SRCAP: variants seen among roughly 807,000 people sequenced by gnomAD.
SRCAP encodes the protein Snf2 related CREBBP activator protein, also known as chromatin remodeling protein SRCAP.
In SRCAP, 46 loss-of-function variants were observed where a neutral mutation model predicts 263.1. That is an observed-to-expected ratio of 0.17 (90% CI 0.14 to 0.22). The LOEUF is 0.22. Among genes scored for constraint, SRCAP ranks in the 10% least tolerant of loss-of-function variants. SRCAP has a pLI of 1.00. For synonymous variants in SRCAP, 1,813 were observed against 1,662.1 expected (o/e 1.09, Z -2.21); for missense variants, 3,695 against 4,181.9 (o/e 0.88, Z 3.21).
At position 30,710,804 on chromosome 16, in the gene SRCAP, T is replaced by C. The variant is rs1224504637; in HGVS notation, c.1185T>C (p.His395=). Residue 395 remains histidine (H), a synonymous_variant, in exon 9 of 34, where the codon CAT becomes CAC. Transcript: ENST00000262518. ...CACAGCGCAACAAACAGCCTTGGCA[T>C]CCAGATGAAGATGATGAAGAGTTTA... The part of the protein sequence containing the change: ...AVTQRNKQPW[H]PDEDDEEFTA... 6.2e-7 allele frequency: 1 copy of C among 1,614,228 alleles called. No homozygotes were observed. The highest frequency in any genetic ancestry group is 8.5e-7 in the Non-Finnish European group (1 of 1,180,040).
In SRCAP at chr16:30,740,988, G is replaced by C. The variant is rs960824935; in HGVS notation, c.*1255G>C. 1 of 152,230 alleles carries C rather than the reference G, an allele frequency of 6.6e-6. No homozygotes were observed. Among genetic ancestry groups the C allele is most frequent in the Non-Finnish European group, 1.5e-5 (1 of 68,056 alleles). The allele number at this position is 152,230 out of a possible 1,614,324, so 9.4% of individuals were successfully genotyped here. A position where few individuals can be genotyped will look rare whatever the true frequency, so the allele number is the denominator to read the frequency against. Reference sequence around the variant, plus strand: ...AAAGGTGGTTTGATGCCAGGGCCTAGAGGACCTGAGAAGTAGGGAGACAAG... The same window carrying C: ...AAAGGTGGTTTGATGCCAGGGCCTACAGGACCTGAGAAGTAGGGAGACAAG... On this transcript the variant is annotated 3_prime_UTR_variant, in exon 34 of 34. Coordinates refer to ENST00000262518, the MANE Select transcript of SRCAP (RefSeq NM_006662.3).
At position 30,722,251 on chromosome 16, in the gene SRCAP, G is replaced by A. The variant is rs201658767; in HGVS notation, c.3671G>A (p.Arg1224His). The A allele has an allele frequency of 4.6e-5, 75 of 1,614,110 alleles. No homozygotes were observed. In the East Asian group the frequency reaches 1.4e-3, roughly 30 times the overall value. ...NKLTLTGAQV[R>H]QLAVGQPRPL... Reference sequence around the variant, plus strand: ...CTGACTTTGACTGGTGCCCAGGTGCGCCAGCTTGCTGTGGGGCAGCCCCGC... The same window carrying A: ...CTGACTTTGACTGGTGCCCAGGTGCACCAGCTTGCTGTGGGGCAGCCCCGC... The change falls in exon 22 of 34, where the codon CGC becomes CAC. Residue 1224 changes from arginine (R) to histidine (H), a missense_variant. Arg to His is a conservative substitution (Grantham distance 29). Around this residue, in one of 12 missense-constraint regions of SRCAP, gnomAD observed 1,347 missense variants for 1,304.4 expected, o/e 1.03. Transcript: ENST00000262518.
Position 30,722,548 on chromosome 16 carries a change from C to T in SRCAP, c.3707-15C>T, listed in dbSNP as rs758861876. On this transcript the variant is annotated splice_polypyrimidine_tract_variant and intron_variant, in intron 22 of 33. Transcript: ENST00000262518. ...TAGCTGCTTCTCTCTCTCTTTCTCT[C>T]TTCCCTTAACCCAGGGAATGTGGTG... 2.5e-6 allele frequency: 4 copies of T among 1,612,684 alleles called. No individual in the cohort carries two copies. Among genetic ancestry groups the T allele is most frequent in the Non-Finnish European group, 2.5e-6 (3 of 1,178,892 alleles).
In SRCAP at chr16:30,712,029, G is replaced by A; in HGVS notation, c.1687G>A (p.Glu563Lys). ...GCTTGCCAGGGATGAAGAGCAGAGT[G>A]AGGCAGATGCAGGCAGTGGGCCTCC... ...YLLARDEEQS[E>K]ADAGSGPPTP... Residue 563 changes from glutamate (E) to lysine (K), a missense_variant, in exon 12 of 34, where the codon GAG becomes AAG. Glu to Lys is a moderately conservative substitution (Grantham distance 56, BLOSUM62 1). Coordinates refer to ENST00000262518, the MANE Select transcript of SRCAP (RefSeq NM_006662.3). 1.2e-6 allele frequency: 2 copies of A among 1,614,074 alleles called. No individual in the cohort carries two copies. Among genetic ancestry groups the A allele is most frequent in the Non-Finnish European group, 1.7e-6 (2 of 1,180,018 alleles).
At chr16:30,708,823 T>G (rs2052855814) in intron 6 of SRCAP, among the ~76,000 whole-genome samples, 1 of 152,084 alleles carries the variant, frequency 6.6e-6, no homozygotes. Context: ...TTCACCTACC[T>G]GTTTTTTTGT....
chr16:30,726,665 G>A (rs1455712981), intron 25 of SRCAP, among the ~76,000 whole-genome samples: 1 of 151,662 alleles, frequency 6.6e-6, no homozygotes, highest in Non-Finnish European at 1.5e-5. Flanking sequence ...TTACAGGCAT[G>A]TGGCACCATG....
rs763252896 is a variant in SRCAP, at chr16:30,710,004, G to A, written c.1010G>A (p.Arg337His). Residue 337 changes from arginine to histidine, a missense_variant, in exon 8 of 34, where the codon CGT becomes CAT. Arg to His is a conservative substitution (Grantham distance 29, BLOSUM62 0). Transcript: ENST00000262518. The stretch of plus-strand genomic sequence containing the variant: ...GAATTGCCACTGGAAGAGCTGCTCC[G>A]TTCCCTTCCCCCTCAGCTGTTGGAA... The part of the protein sequence containing the change: ...EGELPLEELL[R>H]SLPPQLLEGP... 10 of 1,614,156 alleles carry A rather than the reference G, an allele frequency of 6.2e-6. No individual in the cohort carries two copies. Among genetic ancestry groups the A allele is most frequent in the Middle Eastern group, 1.6e-4 (1 of 6,062 alleles).
chr16:30,715,435 G>A (rs1260751242), intron 16 of SRCAP, among the ~76,000 whole-genome samples: 5 of 151,920 alleles, frequency 3.3e-5, no homozygotes, highest in Non-Finnish European at 7.4e-5. Flanking sequence ...CGCGGTGGCG[G>A]GTGCCTGTAG....
In SRCAP at chr16:30,739,571, A is replaced by G. The variant is rs763783084; in HGVS notation, c.9531A>G (p.Ser3177=). ...TAGAGGAGTCTGAGGCTGAAGCCTC[A>G]GGTGAGGAGGAGGAAGGGGATGGGA... is the stretch of plus-strand genomic sequence containing the variant. ...GSVEESEAEA[S]GEEEEGDGTP... is the part of the protein sequence containing the mutation. Residue 3177 remains serine (S), a synonymous_variant, in exon 34 of 34, where the codon TCA becomes TCG. Transcript: ENST00000262518. 45 of 1,605,766 alleles carry G rather than the reference A, an allele frequency of 2.8e-5. No individual in the cohort carries two copies. The highest frequency in any genetic ancestry group is 1.7e-4 in the Middle Eastern group (1 of 5,872).
chr16:30,704,673 G>A (rs2052806554), intron 4 of SRCAP, among the ~76,000 whole-genome samples: 1 of 151,912 alleles, frequency 6.6e-6, no homozygotes, highest in African/African-American at 2.4e-5. Flanking sequence ...CCCCATCTCT[G>A]TAAAAAGTAC....
At chr16:30,709,437 T>C in intron 6 of SRCAP, 76 bp from the exon 7 acceptor site, 1 of 1,504,748 alleles carries the variant, frequency 6.6e-7, no homozygotes, top group Non-Finnish European at 9.2e-7. Flanking sequence ...TTAAAGAAGG[T>C]CTCCCTAAAC....
chr16:30,711,431 T>C (rs1311762710), intron 10 of SRCAP, 140 bp from the exon 11 acceptor site: 5 of 845,040 alleles, frequency 5.9e-6, no homozygotes, highest in African/African-American at 1.7e-5. Context: ...TAGCTGATGC[T>C]GAAAGTAAGC....
chr16:30,724,803 C>G lies in SRCAP; in HGVS notation c.5379C>G (p.Ala1793=). ...ASVQTLTLSP[A]PVPTLGPAAA... ...TGCAGACACTGACCTTGAGCCCTGC[C>G]CCAGTTCCTACCCTGGGCCCGGCCG... The change falls in exon 25 of 34, where the codon GCC becomes GCG. Residue 1793 remains alanine (A), a synonymous_variant. Transcript: ENST00000262518. 2 of 1,613,652 alleles carry G rather than the reference C, an allele frequency of 1.2e-6. No individual in the cohort carries two copies. Among genetic ancestry groups the G allele is most frequent in the Non-Finnish European group, 1.7e-6 (2 of 1,179,724 alleles).
Position 30,734,629 on chromosome 16 carries a change from G to A in SRCAP, c.6729+14G>A. 1 of 1,613,960 alleles carries A rather than the reference G, an allele frequency of 6.2e-7. No homozygotes were observed. On this transcript the variant is annotated intron_variant, in intron 31 of 33. Transcript: ENST00000262518. The stretch of plus-strand genomic sequence containing the variant: ...ATTCTGGAGCAGGTAAAAAAAGAGT[G>A]GGCAGTTCGTAAAGTTGAGCTGATT...
intron 16 of SRCAP, among the ~76,000 whole-genome samples, 192 bp from the exon 17 acceptor site, chr16:30,715,874 T>C (rs2052943718): frequency 6.6e-6 from 1 of 152,222 alleles, no homozygotes; most frequent in Non-Finnish European, 1.5e-5. Flanking sequence ...ACTTCCTGTG[T>C]CATGGTATCA....
At chr16:30,725,253 C>A in intron 25 of SRCAP, 171 bp downstream of exon 25, 1 of 1,326,048 alleles carries the variant, frequency 7.5e-7, no homozygotes, top group Non-Finnish European at 9.9e-7. Flanking sequence ...TGGGCGTGTA[C>A]CTCATGATCC....
chr16:30,723,522 G>A (rs541833065), intron 24 of SRCAP, 62 bp from the exon 25 acceptor site: 2 of 1,550,326 alleles, frequency 1.3e-6, no homozygotes, highest in African/African-American at 1.4e-5. Flanking sequence ...GGAAAGATGG[G>A]ACAGGGAGTA....
At chr16:30,704,564 G>A (rs770234862) in intron 4 of SRCAP, among the ~76,000 whole-genome samples, 6 of 152,142 alleles carry the variant, frequency 3.9e-5, no homozygotes, top group Non-Finnish European at 7.4e-5. Context: ...AAGGCCAGGC[G>A]CAGTGGCTCA....
rs1264192138 is a variant in SRCAP, at chr16:30,737,808, G to T, written c.7768G>T (p.Val2590Leu). Residue 2590 changes from valine (V) to leucine (L), a missense_variant, in exon 34 of 34, where the codon GTG (valine) becomes TTG (leucine). Physicochemically the swap from Val to Leu is conservative, Grantham distance 32. Around this residue, in one of 12 missense-constraint regions of SRCAP, gnomAD observed 1,207 missense variants for 1,142.9 expected, o/e 1.06. Coordinates refer to ENST00000262518, the MANE Select transcript of SRCAP (RefSeq NM_006662.3). ...CCCTAAAGATCTGTTGCCAGTTGCT[G>T]TGGAGATCCTGCCTGTGTCAGAGAA... ...VPPKDLLPVA[V>L]EILPVSEKNL... The T allele has an allele frequency of 1.1e-5, 17 of 1,614,048 alleles. No individual in the cohort carries two copies. The highest frequency in any genetic ancestry group is 1.4e-5 in the Non-Finnish European group (17 of 1,180,052).
Sources: gnomAD v4.1 joint callset for allele counts (sites outside exome capture counted in the v4.1 genomes callset) on GRCh38, gnomAD v4.1.1 for gene constraint, gnomAD v4.1.1 regional missense constraint, MANE v1.5 for transcripts, NCBI Gene and HGNC (gene_info 2026-07-23, HGNC 2026-07-21) for gene names.